Variants in ARL14EPL observed in about 807,000 individuals in gnomAD.
The protein encoded by ARL14EPL is ARF like GTPase 14 effector protein like, also known as ARL14 effector protein-like.
In ARL14EPL, 17 loss-of-function variants were observed where a neutral mutation model predicts 15.9. The observed-to-expected ratio is 1.07, with a 90% confidence interval of 0.73 to 1.60. The LOEUF is 1.60. Ranked by LOEUF, ARL14EPL falls within the 40% of genes most tolerant of loss-of-function variation. ARL14EPL has a pLI of 0.00. For synonymous variants in ARL14EPL, 78 were observed against 63.8 expected (o/e 1.22, Z -1.06); for missense variants, 214 against 185.9 (o/e 1.15, Z -0.88).
chr5:116,051,405 A>G, intron 1 of ARL14EPL, 52 bp from the exon 2 acceptor site: 1 of 1,072,574 alleles, frequency 9.3e-7, no homozygotes, highest in Non-Finnish European at 1.4e-6. Context: ...AGATATAGTT[A>G]CTGGAGATAG....
rs1300043432 is a variant in ARL14EPL at position 116,059,065 on chromosome 5, G to A, written c.*118G>A. On this transcript the variant is annotated 3_prime_UTR_variant, in exon 4 of 4. Transcript: ENST00000686077. ...TCGAAAAAACATACTGAAGACTCAT[G>A]TTCTGTCAAGCCCCAGAACAATGTA... The A allele has an allele frequency of 2.2e-6, 2 of 915,362 alleles. No individual in the cohort carries two copies. Among genetic ancestry groups the A allele is most frequent in the Non-Finnish European group, 3.3e-6 (2 of 602,760 alleles). 56.7% of individuals were successfully genotyped at this position (915,362 alleles called of 1,614,324 possible).
At chr5:116,054,772 A>G (rs2250189) in intron 3 of ARL14EPL, among the ~76,000 whole-genome samples, 99,718 of 152,014 alleles carry the variant, frequency 0.66, 34,451 homozygotes, top group Non-Finnish European at 0.79. Context: ...CGGAGGTTGC[A>G]GTGAGCCGAA....
chr5:116,056,389 T>A (rs1185833506), intron 3 of ARL14EPL, among the ~76,000 whole-genome samples: 1 of 152,254 alleles, frequency 6.6e-6, no homozygotes, highest in African/African-American at 2.4e-5. Flanking sequence ...TGCATTTCTC[T>A]GATGGCCAGT....
At chr5:116,051,279 T>C (rs1749371626) in intron 1 of ARL14EPL, 178 bp from the exon 2 acceptor site, 4 of 522,516 alleles carry the variant, frequency 7.7e-6, no homozygotes, top group Admixed American at 7.1e-5. Flanking sequence ...AGTAGGGTGG[T>C]CTGGGGGAGT....
chr5:116,057,866 T>C (rs1341930521), intron 3 of ARL14EPL, among the ~76,000 whole-genome samples: 1 of 152,210 alleles, frequency 6.6e-6, no homozygotes, highest in Non-Finnish European at 1.5e-5. Context: ...AACCAGCCTT[T>C]TGGACTTCAG....
chr5:116,042,571 A>G (rs114148240), intron 1 of ARL14EPL, among the ~76,000 whole-genome samples: 1,976 of 152,340 alleles, frequency 0.013, 44 homozygotes, highest in African/African-American at 0.045. Flanking sequence ...AACCAGAAGT[A>G]GTAGTACCCA....
intron 1 of ARL14EPL, among the ~76,000 whole-genome samples, chr5:116,040,787 G>A (rs556420982): frequency 7.4e-5 from 11 of 148,666 alleles, no homozygotes; most frequent in South Asian, 4.3e-4. Context: ...TGGCTAACAC[G>A]GTGAAACCCC....
At chr5:116,043,386 A>G (rs1261946945) in intron 1 of ARL14EPL, among the ~76,000 whole-genome samples, 5 of 152,064 alleles carry the variant, frequency 3.3e-5, no homozygotes, top group African/African-American at 9.7e-5. Context: ...CTTATTCTCT[A>G]AGAAACCTGA....
intron 1 of ARL14EPL, among the ~76,000 whole-genome samples, chr5:116,047,830 A>AAAAG (rs1749302678): frequency 6.6e-6 from 1 of 152,166 alleles, no homozygotes; most frequent in Non-Finnish European, 1.5e-5. Flanking sequence ...GGCCTTGGAG[A>AAAAG]AAAGGGGTGC....
chr5:116,057,161 C>T (rs1749536680), intron 3 of ARL14EPL, among the ~76,000 whole-genome samples: 2 of 152,038 alleles, frequency 1.3e-5, no homozygotes, highest in South Asian at 4.2e-4. Flanking sequence ...ATAAACAGAA[C>T]CAAAGACAAA....
intron 1 of ARL14EPL, among the ~76,000 whole-genome samples, chr5:116,039,763 A>T (rs1366205): frequency 0.38 from 58,162 of 151,988 alleles, 11,463 homozygotes; most frequent in East Asian, 0.63. Context: ...AATAAACAGT[A>T]TTATGAATAC....
chr5:116,051,921 C>G (rs1749389981), intron 2 of ARL14EPL: 1 of 1,591,518 alleles, frequency 6.3e-7, no homozygotes, highest in Non-Finnish European at 8.6e-7. Context: ...CATGCATCTT[C>G]ACCAGCAGCT....
Position 116,052,154 on chromosome 5 carries a change from T to C in ARL14EPL, c.96+593T>C, listed in dbSNP as rs1010004090. The C allele has an allele frequency of 5.0e-6, 8 of 1,611,374 alleles. No homozygotes were observed. The African/African-American group carries it at 9.4e-5, about 19-fold the overall frequency. On this transcript the variant is annotated intron_variant, in intron 2 of 3. Transcript: ENST00000686077. Reference sequence around the variant, plus strand: ...AGCTTTGTCAAACAAGACTAAGTTATTGAGCTTGTCCCGAACTTTGCCTTT... The same window carrying C: ...AGCTTTGTCAAACAAGACTAAGTTACTGAGCTTGTCCCGAACTTTGCCTTT...
At chr5:116,055,326 AG>A (rs776542007) in intron 3 of ARL14EPL, among the ~76,000 whole-genome samples, 2 of 152,278 alleles carry the variant, frequency 1.3e-5, no homozygotes, top group Non-Finnish European at 2.9e-5. Flanking sequence ...TCTTGGAAAA[AG>A]TCTAATACAT....
At chr5:116,042,329 A>C (rs545927756) in intron 1 of ARL14EPL, among the ~76,000 whole-genome samples, 1 of 152,124 alleles carries the variant, frequency 6.6e-6, no homozygotes, top group Admixed American at 6.6e-5. Context: ...TCATTGGCAC[A>C]TTGTCTGGCT....
In ARL14EPL at chr5:116,039,314, C is replaced by T. The variant is rs181137086; in HGVS notation, c.-10+6809C>T. On this transcript the variant is annotated intron_variant, in intron 1 of 3. Coordinates refer to ENST00000686077, the MANE Select transcript of ARL14EPL (RefSeq NM_001195581.2). ...GAAAGGATGGCCTTCAAGCAAAGAT[C>T]ACAGATTAAACAGAAAGAACCAGAA... Among the ~76,000 whole-genome samples the T allele has an allele frequency of 2.5e-3, 380 of 152,226 alleles. 2 individuals are homozygous for T. The highest frequency in any genetic ancestry group is 6.9e-4 in the Non-Finnish European group (47 of 68,008).
intron 1 of ARL14EPL, among the ~76,000 whole-genome samples, chr5:116,039,108 A>G (rs2112667434): frequency 6.6e-6 from 1 of 152,324 alleles, no homozygotes; most frequent in African/African-American, 2.4e-5. Flanking sequence ...AGAGGACAGG[A>G]AACATTTTAG....
chr5:116,050,780 A>ATCTCTCTC lies in ARL14EPL; in HGVS notation c.-9-649_-9-642dup, dbSNP rs141191776. Among the ~76,000 whole-genome samples, 1,274 of 128,818 alleles carry ATCTCTCTC rather than the reference A, an allele frequency of 9.9e-3. 11 individuals carry two copies. The highest frequency in any genetic ancestry group is 0.026 in the Middle Eastern group (7 of 266). 84.5% of individuals were successfully genotyped at this position (128,818 alleles called of 152,430 possible). A position where few individuals can be genotyped will look rare whatever the true frequency, so the allele number is the denominator to read the frequency against. ...ATGATTACCATATTGTATGGGCTCC[A>ATCTCTCTC]TCTCTCTCTCTCTCTCTCTCTCTCT... On this transcript the variant is annotated intron_variant, in intron 1 of 3. Transcript: ENST00000686077.
chr5:116,051,321 A>G, intron 1 of ARL14EPL, 136 bp from the exon 2 acceptor site: 1 of 613,502 alleles, frequency 1.6e-6, no homozygotes, highest in Non-Finnish European at 2.8e-6. Context: ...AGTGGGAGAA[A>G]AGGTTCTGGG....
Sources: allele counts gnomAD v4.1 joint callset (sites outside exome capture counted in the v4.1 genomes callset), GRCh38; gene constraint gnomAD v4.1.1; transcripts MANE v1.5; gene names NCBI Gene and HGNC (gene_info 2026-07-23, HGNC 2026-07-21).